Variants in PDE1A observed in about 807,000 individuals in gnomAD.
The protein encoded by PDE1A is phosphodiesterase 1A.
In PDE1A, 35 loss-of-function variants were observed where a neutral mutation model predicts 61.7. The observed-to-expected ratio is 0.57, with a 90% CI of 0.43 to 0.75. PDE1A has a LOEUF of 0.75. Among genes scored for constraint, PDE1A ranks in the 30% least tolerant of loss-of-function variants. PDE1A has a pLI of 0.00. For missense variants in PDE1A, 597 were observed against 630.6 expected, an observed-to-expected ratio of 0.95 and a Z score of 0.57; for synonymous variants, 232 against 213.2, an observed-to-expected ratio of 1.09 and a Z score of -0.77.
intron 2 of PDE1A, among the ~76,000 whole-genome samples, chr2:182,456,413 T>C (rs1685926205): frequency 7.2e-5 from 11 of 152,096 alleles, no homozygotes. Context: ...GCTCCCCTTA[T>C]TAGCCTAAAT....
At chr2:182,588,737 G>A in the PDE1A span, among the ~76,000 whole-genome samples, 1 of 152,078 alleles carries the variant, frequency 6.6e-6, no homozygotes, top group Non-Finnish European at 1.5e-5. Flanking sequence ...TAATCATTAG[G>A]TAATAATTTT....
At chr2:182,165,617 C>T (rs1574532348), downstream of PDE1A, among the ~76,000 whole-genome samples, 1 of 152,158 alleles carries the variant, frequency 6.6e-6, no homozygotes, top group Admixed American at 6.6e-5. Flanking sequence ...TGCCCAGACT[C>T]TTCAGGAATG....
the PDE1A span, among the ~76,000 whole-genome samples, chr2:182,693,011 G>T: frequency 2.0e-5 from 3 of 152,044 alleles, no homozygotes; most frequent in East Asian, 5.8e-4. Context: ...GATGGCTTGA[G>T]CCCACGAGTT....
the PDE1A span, among the ~76,000 whole-genome samples, chr2:182,552,287 G>A: frequency 6.6e-6 from 1 of 152,034 alleles, no homozygotes; most frequent in Non-Finnish European, 1.5e-5. Flanking sequence ...AAGAAAGCAT[G>A]TTAGCATAAG....
At chr2:182,432,304 C>A (rs887236891) in intron 2 of PDE1A, among the ~76,000 whole-genome samples, 1 of 152,094 alleles carries the variant, frequency 6.6e-6, no homozygotes, top group Non-Finnish European at 1.5e-5. Context: ...TCCTTAACCA[C>A]AACAAGGTCA....
At chr2:182,482,069 A>C (rs1240431764) in intron 2 of PDE1A, among the ~76,000 whole-genome samples, 1 of 151,888 alleles carries the variant, frequency 6.6e-6, no homozygotes, top group African/African-American at 2.4e-5. Context: ...AGAAAGTGAA[A>C]TTTACACATT....
chr2:182,244,937 CA>C (rs1296578340), intron 2 of PDE1A, among the ~76,000 whole-genome samples: 1 of 152,150 alleles, frequency 6.6e-6, no homozygotes, highest in Non-Finnish European at 1.5e-5. Context: ...GTCTGTTTCT[CA>C]AAGATTTTTC....
chr2:182,624,092 T>C, the PDE1A span, among the ~76,000 whole-genome samples: 2 of 136,052 alleles, frequency 1.5e-5, no homozygotes. Context: ...GCCACTGCAC[T>C]CCAGCCTGGG....
chr2:182,586,398 A>C, the PDE1A span, among the ~76,000 whole-genome samples: 2 of 152,192 alleles, frequency 1.3e-5, no homozygotes, highest in Admixed American at 1.3e-4. Flanking sequence ...CTTGCTCTCC[A>C]TGACTTTGCT....
chr2:182,665,587 G>A, the PDE1A span, among the ~76,000 whole-genome samples: 1 of 152,128 alleles, frequency 6.6e-6, no homozygotes, highest in Non-Finnish European at 1.5e-5. Context: ...TGAGGCTGTG[G>A]AGAAATAGGA....
intron 2 of PDE1A, among the ~76,000 whole-genome samples, chr2:182,456,914 C>T: frequency 6.6e-6 from 1 of 152,022 alleles, no homozygotes; most frequent in East Asian, 1.9e-4. Flanking sequence ...AGGAAAAATA[C>T]AATCTTTTAT....
At position 182,234,498 on chromosome 2, in the gene PDE1A, T is replaced by A; in HGVS notation, c.351A>T (p.Arg117Ser). ...CCATATGATATGTTTTTCGGTACAT[T>A]CTAAAAAAGACAAAAATAAGTGTAA... Residue 117 changes from arginine to serine, a missense_variant and splice_region_variant, in exon 4 of 14, where the codon AGA becomes AGT. Arg to Ser is a moderately radical substitution (Grantham distance 110). Transcript: ENST00000351439. The A allele has an allele frequency of 1.3e-6, 2 of 1,584,722 alleles. No homozygotes were observed. The highest frequency in any genetic ancestry group is 1.7e-6 in the Non-Finnish European group (2 of 1,158,030).
the PDE1A span, among the ~76,000 whole-genome samples, chr2:182,654,497 T>C: frequency 6.6e-6 from 1 of 152,198 alleles, no homozygotes; most frequent in African/African-American, 2.4e-5. Flanking sequence ...TTCCAAGGTG[T>C]CACTTTAACT....
downstream of PDE1A, among the ~76,000 whole-genome samples, chr2:182,163,248 A>G (rs1200226469): frequency 2.6e-5 from 4 of 152,144 alleles, no homozygotes; most frequent in African/African-American, 4.8e-5. Flanking sequence ...TTATGCAGCT[A>G]TTGTTCTGGT....
intron 1 of PDE1A, among the ~76,000 whole-genome samples, chr2:182,298,319 G>A (rs1695022553): frequency 6.6e-6 from 1 of 152,116 alleles, no homozygotes; most frequent in Admixed American, 6.6e-5. Flanking sequence ...TGTAAACTCA[G>A]GGCAAGGTGC....
At chr2:182,354,203 C>T (rs1699049581) in intron 1 of PDE1A, among the ~76,000 whole-genome samples, 1 of 152,132 alleles carries the variant, frequency 6.6e-6, no homozygotes, top group South Asian at 2.1e-4. Flanking sequence ...TTTGTCACTG[C>T]AGCATAATCA....
rs527470320 is a variant in PDE1A, at chr2:182,381,760, C to T, written c.53+44818G>A. 1.8e-4 allele frequency among the ~76,000 whole-genome samples: 27 copies of T among 151,934 alleles called. No homozygotes were observed. In the South Asian group the frequency reaches 2.5e-3, roughly 14 times the overall value. ...CCAGGAGGCAGAGGTTGCAGTGAGC[C>T]GAGATGACACCTCTGCACTCCAGCC... On this transcript the variant is annotated intron_variant, in intron 1 of 13. Transcript: ENST00000351439.
intron 10 of PDE1A, among the ~76,000 whole-genome samples, chr2:182,195,056 C>T (rs1256315375): frequency 1.3e-5 from 2 of 152,068 alleles, no homozygotes; most frequent in African/African-American, 4.8e-5. Context: ...TCTAGCATTA[C>T]ATTCTGCAGA....
At chr2:182,684,196 T>C in the PDE1A span, among the ~76,000 whole-genome samples, 2 of 150,192 alleles carry the variant, frequency 1.3e-5, no homozygotes, top group Non-Finnish European at 3.0e-5. Flanking sequence ...AAAAATTATA[T>C]AAAAATGATA....
Sources: gnomAD v4.1 joint callset for allele counts (sites outside exome capture counted in the v4.1 genomes callset) on GRCh38, gnomAD v4.1.1 for gene constraint, MANE v1.5 for transcripts, NCBI Gene and HGNC (gene_info 2026-07-23, HGNC 2026-07-21) for gene names.